The following ACVR1B variants were observed in gnomAD, a reference collection of about 807,000 sequenced individuals.
The protein encoded by ACVR1B is activin receptor type-1B.
Under a neutral mutation model 55.6 loss-of-function variants are expected in ACVR1B, and 15 were observed. The ratio of observed to expected loss-of-function variants is 0.27; its 90% CI spans 0.18 to 0.42. The LOEUF (loss-of-function observed/expected upper bound fraction) is 0.42, where lower values mean the gene tolerates loss of function less well. Ranked by LOEUF, ACVR1B falls within the 10% of genes least tolerant of loss-of-function variation. The pLI is 1.00. For synonymous variants in ACVR1B, 247 were observed against 254.6 expected (o/e 0.97, Z 0.28); for missense variants, 359 against 670.1 (o/e 0.54, Z 5.13).
At chr12:51,988,767 C>A (rs966863563) in intron 7 of ACVR1B, among the ~76,000 whole-genome samples, 1 of 152,148 alleles carries the variant, frequency 6.6e-6, no homozygotes, top group Non-Finnish European at 1.5e-5. Context: ...CAGGCTGAGG[C>A]CAGGGCTTAA....
At chr12:51,962,760 T>C (rs1319526401) in intron 1 of ACVR1B, among the ~76,000 whole-genome samples, 1 of 152,262 alleles carries the variant, frequency 6.6e-6, no homozygotes, top group Non-Finnish European at 1.5e-5. Context: ...TCTTTCTTTT[T>C]AAGACAGTGG....
At chr12:51,976,623 T>C in intron 3 of ACVR1B, 48 bp downstream of exon 3, 1 of 1,604,996 alleles carries the variant, frequency 6.2e-7, no homozygotes, top group Non-Finnish European at 8.5e-7. Flanking sequence ...TTTCATCAGT[T>C]TCCCAGCAGG....
Position 51,996,948 on chromosome 12 carries a change from T to C in ACVR1B, c.*2838T>C, listed in dbSNP as rs1437031548. 1 of 152,666 alleles carries C rather than the reference T, an allele frequency of 6.6e-6. No individual in the cohort carries two copies. The highest frequency in any genetic ancestry group is 1.5e-5 in the Non-Finnish European group (1 of 68,050). The allele number at this position is 152,666 out of a possible 1,614,324, so 9.5% of individuals were successfully genotyped here. A position where few individuals can be genotyped will look rare whatever the true frequency, so the allele number is the denominator to read the frequency against. On this transcript the variant is annotated 3_prime_UTR_variant, in exon 9 of 9. Transcript: ENST00000257963. The stretch of plus-strand genomic sequence containing the variant: ...CATTTTATTAGAAAGGACTGTAAAA[T>C]AGCCACTTAGACACTTTACCTCTTC...
chr12:51,969,284 G>A (rs1941699865), intron 1 of ACVR1B, among the ~76,000 whole-genome samples: 1 of 152,278 alleles, frequency 6.6e-6, no homozygotes, highest in East Asian at 1.9e-4. Flanking sequence ...CATCTCAAAG[G>A]ACTTTAATGT....
At chr12:51,966,111 C>T (rs956233292) in intron 1 of ACVR1B, among the ~76,000 whole-genome samples, 13 of 152,064 alleles carry the variant, frequency 8.5e-5, no homozygotes, top group Non-Finnish European at 1.6e-4. Context: ...CAAAAAGAGA[C>T]AACTGGAAGT....
Position 51,994,042 on chromosome 12 carries a change from C to T in ACVR1B, c.1450C>T (p.Arg484Cys), listed in dbSNP as rs2120772639. 4.3e-6 allele frequency: 7 copies of T among 1,614,068 alleles called. No homozygotes were observed. The highest frequency in any genetic ancestry group is 5.9e-6 in the Non-Finnish European group (7 of 1,180,042). ...RECWYANGAARLTALRIKKTL... is the reference protein window; with the variant it reads ...RECWYANGAACLTALRIKKTL... ...GTGTTGGTATGCCAACGGCGCAGCC[C>T]GCCTGACGGCCCTGCGCATCAAGAA... Residue 484 changes from arginine (R) to cysteine (C), a missense_variant, in exon 9 of 9, where the codon CGC becomes TGC. By Grantham distance (180) the Arg-to-Cys change is radical. Coordinates refer to ENST00000257963, the MANE Select transcript of ACVR1B (RefSeq NM_004302.5). The surrounding 1 kb of genome is among the most constrained non-coding windows in gnomAD (Gnocchi z 4.2).
rs376588547 is a variant in ACVR1B at position 51,961,095 on chromosome 12, G to A, written c.91+9261G>A. 8.3e-5 allele frequency among the ~76,000 whole-genome samples: 8 copies of A among 96,516 alleles called. 1 individual carries two copies. The East Asian group carries it at 2.2e-3, about 27-fold the overall frequency. The allele number at this position is 96,516 out of a possible 152,430, so 63.3% of individuals were successfully genotyped here. A position where few individuals can be genotyped will look rare whatever the true frequency, so the allele number is the denominator to read the frequency against. Reference sequence around the variant, plus strand: ...CCAGCGTCCTCCAGTGTGGACCTTCGTCCTCTTGTGTTCTCCCGGTCAGTG... The same window carrying A: ...CCAGCGTCCTCCAGTGTGGACCTTCATCCTCTTGTGTTCTCCCGGTCAGTG... On this transcript the variant is annotated intron_variant, in intron 1 of 8. Coordinates refer to ENST00000257963, the MANE Select transcript of ACVR1B (RefSeq NM_004302.5).
rs199657234 is a variant in ACVR1B, at chr12:51,963,237, A to AT, written c.91+11409dup. Among the ~76,000 whole-genome samples the AT allele has an allele frequency of 9.5e-3, 1,445 of 151,770 alleles. 21 individuals are homozygous for AT. The highest frequency in any genetic ancestry group is 0.033 in the African/African-American group (1,378 of 41,436). On this transcript the variant is annotated intron_variant, in intron 1 of 8. Transcript: ENST00000257963. ...TTTTTAATTTTAATTTTATTTATTT[A>AT]TTTTTTATGTATTTATTTTTTTTTT... is the stretch of plus-strand genomic sequence containing the variant.
At chr12:51,993,332 G>T (rs564194871) in intron 8 of ACVR1B, among the ~76,000 whole-genome samples, 1 of 152,148 alleles carries the variant, frequency 6.6e-6, no homozygotes, top group Non-Finnish European at 1.5e-5. Flanking sequence ...TGATGCTTTC[G>T]TGTTGCATCA....
chr12:51,993,765 T>TAAAAAAAAA (rs869161100), intron 8 of ACVR1B, among the ~76,000 whole-genome samples: 14 of 29,768 alleles, frequency 4.7e-4, no homozygotes, highest in East Asian at 1.3e-3. Flanking sequence ...AGACTCCTTC[T>TAAAAAAAAA]AAAAAAAAAA....
chr12:51,990,288 A>C (rs543355019), intron 7 of ACVR1B, among the ~76,000 whole-genome samples: 2 of 146,650 alleles, frequency 1.4e-5, no homozygotes, highest in South Asian at 4.4e-4. Flanking sequence ...AGTGAAACTC[A>C]CACACACACA....
chr12:51,957,049 A>G (rs1266296582), intron 1 of ACVR1B, among the ~76,000 whole-genome samples: 2 of 151,954 alleles, frequency 1.3e-5, no homozygotes, highest in Non-Finnish European at 2.9e-5. Context: ...TACGGGTATG[A>G]GCCACTGAAC....
At chr12:51,956,255 G>T (rs1941406109) in intron 1 of ACVR1B, among the ~76,000 whole-genome samples, 1 of 152,088 alleles carries the variant, frequency 6.6e-6, no homozygotes, top group Non-Finnish European at 1.5e-5. Context: ...TAAATATTTT[G>T]AATTTAGCAT....
At chr12:51,972,479 G>A (rs951328904) in intron 1 of ACVR1B, among the ~76,000 whole-genome samples, 1 of 152,168 alleles carries the variant, frequency 6.6e-6, no homozygotes. Flanking sequence ...TCTAGCCTAG[G>A]AGCAAGAGGC....
intron 1 of ACVR1B, among the ~76,000 whole-genome samples, chr12:51,974,795 G>A (rs1286881473): frequency 6.6e-6 from 1 of 152,186 alleles, no homozygotes; most frequent in East Asian, 1.9e-4. Flanking sequence ...AATTTTGAAG[G>A]ATATGTAAGA....
At chr12:51,977,507 G>C (rs1250536797) in intron 3 of ACVR1B, among the ~76,000 whole-genome samples, 1 of 151,954 alleles carries the variant, frequency 6.6e-6, no homozygotes, top group Non-Finnish European at 1.5e-5. Flanking sequence ...ACATCAGTCA[G>C]GCTGGTCTTG....
At chr12:51,971,818 G>C (rs2120561168) in intron 1 of ACVR1B, among the ~76,000 whole-genome samples, 1 of 152,228 alleles carries the variant, frequency 6.6e-6, no homozygotes, top group African/African-American at 2.4e-5. Context: ...AACAAAACTA[G>C]ATTCAAACAT....
intron 4 of ACVR1B, among the ~76,000 whole-genome samples, chr12:51,983,016 C>G (rs1482667549): frequency 6.6e-6 from 1 of 152,192 alleles, no homozygotes; most frequent in South Asian, 2.1e-4. Flanking sequence ...GGATCCATCC[C>G]TTTATTGATT....
chr12:51,973,088 G>A (rs1024305291), intron 1 of ACVR1B, among the ~76,000 whole-genome samples: 8 of 152,174 alleles, frequency 5.3e-5, no homozygotes, highest in Admixed American at 3.3e-4. Flanking sequence ...AATGAGCCAC[G>A]TGTGGGTGTG....
Sources: gnomAD v4.1 joint callset for allele counts (sites outside exome capture counted in the v4.1 genomes callset) on GRCh38, gnomAD v4.1.1 for gene constraint, Gnocchi (gnomAD v3.1) non-coding constraint, MANE v1.5 for transcripts, NCBI Gene and HGNC (gene_info 2026-07-23, HGNC 2026-07-21) for gene names.